The following EEIG2 variants were observed in gnomAD, a reference collection of about 807,000 sequenced individuals.
EEIG2 encodes EEIG family member 2, also known as family with sequence similarity 102 member B.
chr1:108,584,808 T>C, the EEIG2 span, among the ~76,000 whole-genome samples: 7 of 152,174 alleles, frequency 4.6e-5, no homozygotes, highest in Non-Finnish European at 5.9e-5. Flanking sequence ...ACAGGAAGTG[T>C]ACCTGAATAT....
the EEIG2 span, among the ~76,000 whole-genome samples, chr1:108,579,554 A>G: frequency 6.7e-6 from 1 of 148,732 alleles, no homozygotes; most frequent in East Asian, 2.0e-4. Flanking sequence ...CAACAAGGAT[A>G]CCCAGGAATT....
the EEIG2 span, among the ~76,000 whole-genome samples, chr1:108,611,411 A>G: frequency 6.6e-6 from 1 of 152,196 alleles, no homozygotes; most frequent in Admixed American, 6.5e-5. Context: ...AGGAAAGACT[A>G]TAGGGCAACC....
chr1:108,568,463 A>T, the EEIG2 span, among the ~76,000 whole-genome samples: 26 of 152,166 alleles, frequency 1.7e-4, no homozygotes, highest in Non-Finnish European at 2.6e-4. Context: ...TTGAGAGAAG[A>T]TAATGGTCTT....
chr1:108,576,813 G>C, the EEIG2 span, among the ~76,000 whole-genome samples: 16 of 151,952 alleles, frequency 1.1e-4, no homozygotes, highest in Admixed American at 6.5e-4. Flanking sequence ...TATATACCCA[G>C]TAATGGGATG....
the EEIG2 span, among the ~76,000 whole-genome samples, chr1:108,609,324 A>C: frequency 6.6e-6 from 1 of 152,230 alleles, no homozygotes; most frequent in Admixed American, 6.5e-5. Context: ...TAATGGAAGC[A>C]GGGGTCGTTG....
the EEIG2 span, among the ~76,000 whole-genome samples, chr1:108,569,083 T>C: frequency 1.3e-5 from 2 of 152,028 alleles, no homozygotes; most frequent in East Asian, 1.9e-4. Context: ...ATTTGAAAAA[T>C]TGTGCCATAA....
At chr1:108,594,861 G>A in the EEIG2 span, among the ~76,000 whole-genome samples, 2 of 151,956 alleles carry the variant, frequency 1.3e-5, no homozygotes, top group African/African-American at 2.4e-5. Flanking sequence ...TTATAATGCT[G>A]TGCTGAAGTT....
the EEIG2 span, among the ~76,000 whole-genome samples, chr1:108,587,147 C>T: frequency 6.6e-6 from 1 of 152,134 alleles, no homozygotes; most frequent in Non-Finnish European, 1.5e-5. Context: ...ATCCATAGTT[C>T]ATATCAACTT....
chr1:108,585,800 T>A, the EEIG2 span, among the ~76,000 whole-genome samples: 2 of 152,124 alleles, frequency 1.3e-5, no homozygotes, highest in Admixed American at 1.3e-4. Context: ...CAGTTTGTAA[T>A]AACTCTTTGT....
At chr1:108,603,939 C>T in the EEIG2 span, among the ~76,000 whole-genome samples, 2 of 152,084 alleles carry the variant, frequency 1.3e-5, no homozygotes. Context: ...CAGGCTAAAT[C>T]ACAGAGAGAA....
At chr1:108,609,412 G>A in the EEIG2 span, among the ~76,000 whole-genome samples, 1 of 152,108 alleles carries the variant, frequency 6.6e-6, no homozygotes, top group Non-Finnish European at 1.5e-5. Context: ...AAATAGAGGG[G>A]GTAAGGGGTG....
chr1:108,638,526 C>T, the EEIG2 span: 15 of 152,286 alleles, frequency 9.8e-5, no homozygotes, highest in East Asian at 1.9e-4. Context: ...TATATAGCAA[C>T]GCTCTGAGAG....
At chr1:108,637,469 C>T in the EEIG2 span, 2 of 151,902 alleles carry the variant, frequency 1.3e-5, no homozygotes, top group African/African-American at 4.8e-5. Context: ...TTAAGAACAT[C>T]TTAACCATAT....
At chr1:108,605,625 C>T in the EEIG2 span, among the ~76,000 whole-genome samples, 2 of 152,088 alleles carry the variant, frequency 1.3e-5, no homozygotes, top group African/African-American at 4.8e-5. Context: ...ACACTTAATT[C>T]TCACAGCTGT....
At chr1:108,631,305 C>T in the EEIG2 span, among the ~76,000 whole-genome samples, 18 of 152,362 alleles carry the variant, frequency 1.2e-4, no homozygotes, top group Admixed American at 1.0e-3. Context: ...TTCATTGGAA[C>T]ACAACCATGC....
the EEIG2 span, among the ~76,000 whole-genome samples, chr1:108,591,727 G>T: frequency 6.6e-6 from 1 of 152,146 alleles, no homozygotes; most frequent in Non-Finnish European, 1.5e-5. Flanking sequence ...GGGAACCAAG[G>T]CAGGCCTGGT....
chr1:108,600,761 ATC>A, the EEIG2 span: 1 of 1,485,770 alleles, frequency 6.7e-7, no homozygotes, highest in Non-Finnish European at 9.2e-7. Context: ...GGCTTTGTTT[ATC>A]TCTGCTTTAT....
At chr1:108,623,992 A>C in the EEIG2 span, among the ~76,000 whole-genome samples, 1 of 152,176 alleles carries the variant, frequency 6.6e-6, no homozygotes, top group Non-Finnish European at 1.5e-5. Flanking sequence ...AAAGAAAAAA[A>C]AAACTGTTAG....
the EEIG2 span, among the ~76,000 whole-genome samples, chr1:108,560,859 A>G: frequency 4.6e-5 from 7 of 152,128 alleles, no homozygotes; most frequent in Non-Finnish European, 1.0e-4. Context: ...ACATTTCCAT[A>G]TTTGTGAAAT....
Sources: allele counts gnomAD v4.1 joint callset (sites outside exome capture counted in the v4.1 genomes callset), GRCh38; gene constraint gnomAD v4.1.1; transcripts MANE v1.5; gene names NCBI Gene and HGNC (gene_info 2026-07-23, HGNC 2026-07-21).